The following PKIB variants were observed in gnomAD, a reference collection of about 807,000 sequenced individuals.
PKIB encodes the protein PKI-beta.
PKIB carries 2 observed loss-of-function variants against 4.5 expected under a neutral mutation model. The ratio of observed to expected loss-of-function variants is 0.44; its 90% CI spans 0.18 to 1.39. The LOEUF (loss-of-function observed/expected upper bound fraction) is 1.39. PKIB is among the 40% of genes most tolerant of loss of function. PKIB has a pLI of 0.27. For synonymous variants in PKIB, 38 were observed against 36.0 expected, an observed-to-expected ratio of 1.06 and a Z score of -0.20; for missense variants, 94 against 92.6, an observed-to-expected ratio of 1.02 and a Z score of -0.06.
intron 2 of PKIB, among the ~76,000 whole-genome samples, chr6:122,669,506 C>T (rs1353875483): frequency 6.6e-6 from 1 of 151,706 alleles, no homozygotes; most frequent in Non-Finnish European, 1.5e-5. Flanking sequence ...TCTCTTCTGC[C>T]TTTTGTGAGA....
intron 3 of PKIB, among the ~76,000 whole-genome samples, chr6:122,707,637 A>C (rs1779115347): frequency 6.6e-6 from 1 of 152,152 alleles, no homozygotes; most frequent in Non-Finnish European, 1.5e-5. Context: ...ATGCTCTCTA[A>C]TGTTAACATT....
intron 2 of PKIB, among the ~76,000 whole-genome samples, chr6:122,636,894 C>T (rs550443022): frequency 1.8e-4 from 28 of 151,980 alleles, no homozygotes; most frequent in Non-Finnish European, 1.2e-4. Flanking sequence ...TGAGAATTCC[C>T]CAAACAGATC....
intron 3 of PKIB, among the ~76,000 whole-genome samples, chr6:122,597,356 A>G (rs115159757): frequency 0.011 from 1,750 of 152,354 alleles, 35 homozygotes; most frequent in African/African-American, 0.041. Flanking sequence ...GCTGAAGGCA[A>G]ATCACTTCTG....
intron 3 of PKIB, among the ~76,000 whole-genome samples, chr6:122,678,371 A>G (rs896298607): frequency 1.3e-5 from 2 of 152,172 alleles, no homozygotes; most frequent in African/African-American, 4.8e-5. Context: ...CTGTTCCTAT[A>G]GTTGCACCAT....
chr6:122,644,253 C>T (rs1355747438), intron 2 of PKIB: 1 of 152,188 alleles, frequency 6.6e-6, no homozygotes, highest in Non-Finnish European at 1.5e-5. Context: ...TGGTCCACCA[C>T]ATAGAATTTC....
rs1208405674 is a variant in PKIB, at chr6:122,531,782, A to G, written c.-248+53843A>G. On this transcript the variant is annotated intron_variant, in intron 2 of 6. Coordinates refer to the PKIB transcript ENST00000392491. ...TATTCTTATTTCTTTCAAATACTAGACTGTGAATTGCTTAAGGCTGGGAAT... is the reference window on the plus strand; with the variant it reads ...TATTCTTATTTCTTTCAAATACTAGGCTGTGAATTGCTTAAGGCTGGGAAT... Among the ~76,000 whole-genome samples, 5 of 152,296 alleles carry G rather than the reference A, an allele frequency of 3.3e-5. No homozygotes were observed. In the East Asian group the frequency reaches 9.6e-4, roughly 29 times the overall value.
At chr6:122,488,432 C>T (rs890735320) in intron 2 of PKIB, among the ~76,000 whole-genome samples, 1 of 152,000 alleles carries the variant, frequency 6.6e-6, no homozygotes, top group African/African-American at 2.4e-5. Context: ...TTGAGCTCTT[C>T]TTTTCTGGCA....
rs527772389 is a variant in PKIB at position 122,539,772 on chromosome 6, G to T, written c.-247-46149G>T. 3.9e-5 allele frequency among the ~76,000 whole-genome samples: 6 copies of T among 152,118 alleles called. No individual in the cohort carries two copies. The South Asian group carries it at 1.0e-3, about 26-fold the overall frequency. The stretch of plus-strand genomic sequence containing the variant: ...GAAGGAATGGTACCAGCTCCTCCTT[G>T]TACCTCTGGTAGAATTCGGCTGTGA... On this transcript the variant is annotated intron_variant, in intron 2 of 6. Transcript: ENST00000392491.
At chr6:122,475,243 C>T (rs1259967199) in intron 1 of PKIB, among the ~76,000 whole-genome samples, 1 of 152,090 alleles carries the variant, frequency 6.6e-6, no homozygotes, top group Non-Finnish European at 1.5e-5. Flanking sequence ...AACGCCTGGC[C>T]CATTGAATTT....
At chr6:122,598,031 T>C (rs1226294114) in intron 3 of PKIB, among the ~76,000 whole-genome samples, 1 of 152,142 alleles carries the variant, frequency 6.6e-6, no homozygotes, top group Non-Finnish European at 1.5e-5. Context: ...ACAGTTACCC[T>C]GGTAAAAGGC....
At chr6:122,710,158 C>T (rs9490528) in intron 3 of PKIB, among the ~76,000 whole-genome samples, 48,485 of 151,924 alleles carry the variant, frequency 0.32, 8,892 homozygotes, top group South Asian at 0.55. Context: ...CTCTACTAGG[C>T]AGAGGGATAT....
intron 2 of PKIB, among the ~76,000 whole-genome samples, chr6:122,525,490 T>A (rs1777069423): frequency 6.6e-6 from 1 of 152,154 alleles, no homozygotes; most frequent in Non-Finnish European, 1.5e-5. Flanking sequence ...TTAGGTCCAA[T>A]TGGTTTATAC....
chr6:122,614,590 C>T (rs1404461623), intron 1 of PKIB, among the ~76,000 whole-genome samples: 1 of 151,982 alleles, frequency 6.6e-6, no homozygotes, highest in Admixed American at 6.6e-5. Flanking sequence ...AAAGGGAGAA[C>T]TGAAGTCCAG....
At chr6:122,494,196 TGAAAG>T (rs1280935386) in intron 2 of PKIB, among the ~76,000 whole-genome samples, 2 of 152,212 alleles carry the variant, frequency 1.3e-5, no homozygotes, top group African/African-American at 4.8e-5. Flanking sequence ...TCAGAAAACT[TGAAAG>T]GAATGCTATG....
rs1213945158 is a variant in PKIB at position 122,558,027 on chromosome 6, A to G, written c.-247-27894A>G. Among the ~76,000 whole-genome samples the G allele has an allele frequency of 2.6e-5, 4 of 152,280 alleles. No individual in the cohort carries two copies. In the East Asian group the frequency reaches 7.7e-4, roughly 29 times the overall value. ...ACACAAGAGGTGAACAACTAAGTGAATTTTAAGAAATTAGGAAGTCCTATT... is the reference window on the plus strand; with the variant it reads ...ACACAAGAGGTGAACAACTAAGTGAGTTTTAAGAAATTAGGAAGTCCTATT... On this transcript the variant is annotated intron_variant, in intron 2 of 6. Coordinates refer to the PKIB transcript ENST00000392491.
At chr6:122,550,801 T>C (rs1772653869) in intron 2 of PKIB, among the ~76,000 whole-genome samples, 1 of 152,218 alleles carries the variant, frequency 6.6e-6, no homozygotes, top group Non-Finnish European at 1.5e-5. Flanking sequence ...TTTATTTCCT[T>C]GTTTTGTTGG....
chr6:122,611,865 C>T (rs1168757456), intron 1 of PKIB, among the ~76,000 whole-genome samples: 1 of 152,112 alleles, frequency 6.6e-6, no homozygotes, highest in African/African-American at 2.4e-5. Flanking sequence ...CTGGTCAATG[C>T]CCCCCTAGTG....
chr6:122,541,335 C>T (rs1274124006), intron 2 of PKIB, among the ~76,000 whole-genome samples: 1 of 151,862 alleles, frequency 6.6e-6, no homozygotes, highest in Non-Finnish European at 1.5e-5. Flanking sequence ...TGTTCCTTTC[C>T]ATGTTTAGTG....
intron 3 of PKIB, chr6:122,717,517 G>A (rs1779547958): frequency 4.6e-6 from 2 of 434,710 alleles, no homozygotes; most frequent in South Asian, 1.4e-4. Flanking sequence ...AAAAGGCAAG[G>A]GATTACTGCA....
Sources: gnomAD v4.1 joint callset for allele counts (sites outside exome capture counted in the v4.1 genomes callset) on GRCh38, gnomAD v4.1.1 for gene constraint, MANE v1.5 for transcripts, NCBI Gene and HGNC (gene_info 2026-07-23, HGNC 2026-07-21) for gene names.